Variants in TRANK1 observed in about 807,000 individuals in gnomAD.
TRANK1 encodes tetratricopeptide repeat and ankyrin repeat containing 1.
Under a neutral mutation model 266.0 loss-of-function variants are expected in TRANK1, and 198 were observed. The observed-to-expected ratio is 0.74, with a 90% CI of 0.66 to 0.84. TRANK1 has a LOEUF of 0.84. TRANK1 is among the 40% of genes least tolerant of loss of function. TRANK1 has a pLI of 0.00. For missense variants in TRANK1, 3,326 were observed against 3,634.6 expected (o/e 0.92, Z 2.18); for synonymous variants, 1,396 against 1,384.1 (o/e 1.01, Z -0.19).
At chr3:36,865,007 G>A (rs572995960) in intron 9 of TRANK1, among the ~76,000 whole-genome samples, 1 of 143,052 alleles carries the variant, frequency 7.0e-6, no homozygotes, top group South Asian at 2.3e-4. Context: ...GTTTTTGGGG[G>A]TTTTTTTGTT....
chr3:36,850,698 A>C (rs1294567296), intron 15 of TRANK1: 1 of 974,008 alleles, frequency 1.0e-6, no homozygotes, highest in East Asian at 1.1e-4. Flanking sequence ...GACTTCAAAA[A>C]GTACTCTGTA....
chr3:36,935,840 T>C (rs1264681199), intron 1 of TRANK1, among the ~76,000 whole-genome samples: 2 of 152,186 alleles, frequency 1.3e-5, no homozygotes, highest in Admixed American at 1.3e-4. Flanking sequence ...AATAAATGAT[T>C]CTCTGGCCAC....
Position 36,831,402 on chromosome 3 carries a change from G to A in TRANK1, c.8181C>T (p.Cys2727=), listed in dbSNP as rs1018568476. ...AACTGATGCACAGAGACACCACCAG[G>A]CATGCCCTCCTCAACTTCCGCTGTA... The part of the protein sequence containing the change: ...ASIQRKLRRA[C]LVVSLCISWR... Residue 2727 remains cysteine (C), a synonymous_variant, in exon 22 of 24, where the codon TGC becomes TGT. Coordinates refer to ENST00000645898, the MANE Select transcript of TRANK1 (RefSeq NM_001329998.2). This position sits in a 1 kb window ranked among gnomAD's most constrained non-coding sequence, Gnocchi z 5.0. 1 of 1,612,848 alleles carries A rather than the reference G, an allele frequency of 6.2e-7. No individual in the cohort carries two copies. Among genetic ancestry groups the A allele is most frequent in the Non-Finnish European group, 8.5e-7 (1 of 1,179,412 alleles).
intron 9 of TRANK1, among the ~76,000 whole-genome samples, chr3:36,872,442 T>C (rs2079322861): frequency 1.3e-5 from 2 of 151,990 alleles, no homozygotes; most frequent in East Asian, 1.9e-4. Context: ...AAAAGTAACA[T>C]TAATAATTCA....
Position 36,847,261 on chromosome 3 carries a change from G to A in TRANK1, c.4973C>T (p.Pro1658Leu), listed in dbSNP as rs777614533. The change falls in exon 16 of 24, where the codon CCC (proline) becomes CTC (leucine). Residue 1658 changes from proline (P) to leucine (L), a missense_variant. Pro to Leu is a moderately conservative substitution (Grantham distance 98, BLOSUM62 -3). Coordinates refer to ENST00000645898, the MANE Select transcript of TRANK1 (RefSeq NM_001329998.2). Reference protein sequence around the residue: ...REENRPLVEVPLDKPGSSQGR... With the variant: ...REENRPLVEVLLDKPGSSQGR... ...CTGAGAAGAGCCTGGTTTGTCCAGG[G>A]GTACTTCAACCAATGGCCGGTTTTC... 6.2e-7 allele frequency: 1 copy of A among 1,613,550 alleles called. No homozygotes were observed. Among genetic ancestry groups the A allele is most frequent in the Non-Finnish European group, 8.5e-7 (1 of 1,179,714 alleles).
intron 12 of TRANK1, among the ~76,000 whole-genome samples, chr3:36,858,363 C>T (rs964380141): frequency 2.6e-5 from 4 of 152,168 alleles, no homozygotes; most frequent in Non-Finnish European, 5.9e-5. Context: ...CAAAGAACTA[C>T]CCAGCCCAAA....
chr3:36,910,342 C>G (rs1038316504), intron 1 of TRANK1, among the ~76,000 whole-genome samples: 1 of 152,178 alleles, frequency 6.6e-6, no homozygotes, highest in African/African-American at 2.4e-5. Flanking sequence ...TGGATGTTCA[C>G]CACCTCGAAA....
intron 8 of TRANK1, among the ~76,000 whole-genome samples, chr3:36,889,359 G>A (rs1305442717): frequency 2.6e-5 from 4 of 152,162 alleles, no homozygotes; most frequent in Non-Finnish European, 5.9e-5. Flanking sequence ...CCTTGCATGT[G>A]CAAGCCTCAC....
At chr3:36,890,054 A>G (rs1029324564) in intron 7 of TRANK1, 94 bp from the exon 8 acceptor site, 4 of 1,471,670 alleles carry the variant, frequency 2.7e-6, no homozygotes, top group Non-Finnish European at 3.6e-6. Context: ...AAAGAAAGAA[A>G]GAAAATCAGC....
intron 9 of TRANK1, among the ~76,000 whole-genome samples, chr3:36,866,078 A>AAG (rs1394972858): frequency 6.6e-6 from 1 of 150,846 alleles, no homozygotes; most frequent in Non-Finnish European, 1.5e-5. Flanking sequence ...GAAAGAAAGA[A>AAG]AGAAAGAAAG....
At chr3:36,892,872 GATATAT>G (rs71635814) in intron 6 of TRANK1, 23 bp downstream of exon 6, 1 of 591,714 alleles carries the variant, frequency 1.7e-6, no homozygotes, top group Non-Finnish European at 2.4e-6. Flanking sequence ...TATATATATA[GATATAT>G]ATAGATATAT....
chr3:36,889,848 G>A lies in TRANK1; in HGVS notation c.888C>T (p.Ser296=), dbSNP rs2079661463. ...ACTCACGCTTAACGAGGTATCCTGG[G>A]GAGTGGGCAGCGACGACGTGCAGGA... The part of the protein sequence containing the change: ...CTVLHVVAAH[S]PGYLVKRQTE... Residue 296 remains serine (S), a synonymous_variant, in exon 8 of 24, where the codon TCC becomes TCT. Transcript: ENST00000645898. 2 of 1,536,902 alleles carry A rather than the reference G, an allele frequency of 1.3e-6. No individual in the cohort carries two copies. The highest frequency in any genetic ancestry group is 2.4e-5 in the South Asian group (2 of 84,014).
chr3:36,901,538 C>A (rs2079882884), intron 3 of TRANK1, among the ~76,000 whole-genome samples: 1 of 152,130 alleles, frequency 6.6e-6, no homozygotes, highest in African/African-American at 2.4e-5. Flanking sequence ...TTTTTTGGAG[C>A]TTTACCTCTC....
At chr3:36,902,026 C>A (rs2079890646) in intron 3 of TRANK1, among the ~76,000 whole-genome samples, 1 of 152,166 alleles carries the variant, frequency 6.6e-6, no homozygotes. Flanking sequence ...GCAGAGGTAT[C>A]CAATCTTTTG....
Position 36,833,354 on chromosome 3 carries a change from G to A in TRANK1, c.6229C>T (p.Pro2077Ser). Residue 2077 changes from proline to serine, a missense_variant, in exon 22 of 24, where the codon CCT (proline) becomes TCT (serine). Transcript: ENST00000645898. Reference sequence around the variant, plus strand: ...GGAGCCAGGCCCAGAATCTTCTCAGGCTCGGCCTCACACTGGCTGGCTGCT... The same window carrying A: ...GGAGCCAGGCCCAGAATCTTCTCAGACTCGGCCTCACACTGGCTGGCTGCT... ...YEAASQCEAE[P>S]EKILGLAPGG... 1 of 1,613,870 alleles carries A rather than the reference G, an allele frequency of 6.2e-7. No individual in the cohort carries two copies. The highest frequency in any genetic ancestry group is 8.5e-7 in the Non-Finnish European group (1 of 1,179,808).
At chr3:36,901,768 T>G (rs1026708661) in intron 3 of TRANK1, among the ~76,000 whole-genome samples, 4 of 152,118 alleles carry the variant, frequency 2.6e-5, no homozygotes, top group Non-Finnish European at 5.9e-5. Context: ...GGGTAAGAAC[T>G]AGGAAGTGGC....
chr3:36,893,643 C>T (rs1238155522), intron 5 of TRANK1, among the ~76,000 whole-genome samples: 1 of 152,180 alleles, frequency 6.6e-6, no homozygotes, highest in Non-Finnish European at 1.5e-5. Context: ...GCTGAAGAGA[C>T]TAAATCCCAG....
At chr3:36,923,679 C>T (rs2080249002) in intron 1 of TRANK1, among the ~76,000 whole-genome samples, 1 of 152,186 alleles carries the variant, frequency 6.6e-6, no homozygotes, top group Non-Finnish European at 1.5e-5. Context: ...TCTCCCCTCT[C>T]TCTTTCCCTT....
chr3:36,942,482 C>CAAAAAAAA (rs565174922), intron 1 of TRANK1, among the ~76,000 whole-genome samples: 9 of 79,926 alleles, frequency 1.1e-4, no homozygotes, highest in African/African-American at 1.8e-4. Flanking sequence ...TCTTCTTCCT[C>CAAAAAAAA]AAAAAAAAAA....
Sources: gnomAD v4.1 joint callset for allele counts (sites outside exome capture counted in the v4.1 genomes callset) on GRCh38, gnomAD v4.1.1 for gene constraint, Gnocchi (gnomAD v3.1) non-coding constraint, MANE v1.5 for transcripts, NCBI Gene and HGNC (gene_info 2026-07-23, HGNC 2026-07-21) for gene names.